STXBP5L: variants seen among roughly 807,000 people sequenced by gnomAD.
STXBP5L encodes syntaxin-binding protein 5-like.
STXBP5L carries 65 observed loss-of-function variants against 144.5 expected under a neutral mutation model. The observed-to-expected ratio is 0.45, with a 90% CI of 0.37 to 0.55. STXBP5L has a LOEUF of 0.55. STXBP5L is among the 20% of genes least tolerant of loss of function. The probability of loss-of-function intolerance (pLI) is 0.00; values close to 1 mark genes in which losing one functional copy is unlikely to be tolerated. For synonymous variants in STXBP5L, 505 were observed against 469.6 expected, an observed-to-expected ratio of 1.08 and a Z score of -0.97; for missense variants, 1,298 against 1,405.5, an observed-to-expected ratio of 0.92 and a Z score of 1.22.
At chr3:121,090,117 T>C (rs2042704153) in intron 5 of STXBP5L, among the ~76,000 whole-genome samples, 1 of 152,216 alleles carries the variant, frequency 6.6e-6, no homozygotes, top group East Asian at 1.9e-4. Flanking sequence ...CCTATTATAA[T>C]AAGTGATTTT....
chr3:121,326,442 T>G (rs2044151026), intron 20 of STXBP5L, among the ~76,000 whole-genome samples: 1 of 152,086 alleles, frequency 6.6e-6, no homozygotes, highest in African/African-American at 2.4e-5. Context: ...AAATGAAATT[T>G]GTTACTGTAT....
chr3:121,092,277 C>A (rs1354850869), intron 5 of STXBP5L, among the ~76,000 whole-genome samples: 1 of 151,712 alleles, frequency 6.6e-6, no homozygotes, highest in Non-Finnish European at 1.5e-5. Context: ...TCCATATGAA[C>A]TTTAAAGTAG....
At chr3:120,994,543 GATC>G (rs1943185735) in intron 3 of STXBP5L, among the ~76,000 whole-genome samples, 1 of 151,966 alleles carries the variant, frequency 6.6e-6, no homozygotes, top group Non-Finnish European at 1.5e-5. Context: ...CTGTTTAGAT[GATC>G]ATATGATTTG....
chr3:121,095,091 C>T (rs1390720231), intron 5 of STXBP5L, among the ~76,000 whole-genome samples: 2 of 152,146 alleles, frequency 1.3e-5, no homozygotes, highest in South Asian at 4.1e-4. Context: ...AAATTCTTTT[C>T]TTTAAGAATG....
chr3:121,302,685 A>G (rs114036338), intron 19 of STXBP5L, among the ~76,000 whole-genome samples: 5,255 of 152,258 alleles, frequency 0.035, 338 homozygotes, highest in Admixed American at 0.17. Flanking sequence ...TACCAGAGAT[A>G]TAGACCAATG....
intron 5 of STXBP5L, among the ~76,000 whole-genome samples, chr3:121,074,024 G>C (rs1301077668): frequency 1.3e-5 from 2 of 152,138 alleles, no homozygotes; most frequent in African/African-American, 4.8e-5. Context: ...TTCTTTTGTG[G>C]GTGCAGCCAA....
At chr3:121,354,056 G>T (rs2045407987) in intron 20 of STXBP5L, among the ~76,000 whole-genome samples, 2 of 152,048 alleles carry the variant, frequency 1.3e-5, no homozygotes, top group Admixed American at 1.3e-4. Context: ...ACAGTTTGTT[G>T]TGATTTCTGT....
chr3:121,066,570 C>T (rs954123149), intron 5 of STXBP5L, among the ~76,000 whole-genome samples: 1 of 151,740 alleles, frequency 6.6e-6, no homozygotes, highest in Non-Finnish European at 1.5e-5. Context: ...ACAAATTTTG[C>T]GATGTATTAG....
At chr3:120,915,690 A>G (rs1440647055) in intron 2 of STXBP5L, among the ~76,000 whole-genome samples, 2 of 152,152 alleles carry the variant, frequency 1.3e-5, no homozygotes, top group African/African-American at 4.8e-5. Flanking sequence ...ATTTAAAAAT[A>G]TAGATTAAGT....
At chr3:121,269,139 GA>G (rs888934608) in intron 18 of STXBP5L, among the ~76,000 whole-genome samples, 9 of 151,998 alleles carry the variant, frequency 5.9e-5, no homozygotes, top group East Asian at 5.8e-4. Flanking sequence ...ATTAAGGGGG[GA>G]AAAAAGCATA....
At position 121,223,136 on chromosome 3, in the gene STXBP5L, T is replaced by C. The variant is rs2049024202; in HGVS notation, c.1090T>C (p.Cys364Arg). The C allele has an allele frequency of 6.2e-7, 1 of 1,606,906 alleles. No individual in the cohort carries two copies. The highest frequency in any genetic ancestry group is 1.3e-5 in the African/African-American group (1 of 74,626). The change falls in exon 11 of 27, where the codon TGT becomes CGT. Residue 364 changes from cysteine to arginine, a missense_variant. Physicochemically the swap from Cys to Arg is radical, Grantham distance 180. Transcript: ENST00000471454. ...DHPIVEFLTL[C>R]ETPYPNEFQE... Reference sequence around the variant, plus strand: ...TCCTATTGTTGAATTTCTAACTTTATGTGAAACGCCCTATCCAAATGGTAA... The same window carrying C: ...TCCTATTGTTGAATTTCTAACTTTACGTGAAACGCCCTATCCAAATGGTAA...
intron 3 of STXBP5L, among the ~76,000 whole-genome samples, chr3:121,026,757 A>G (rs929392542): frequency 2.8e-4 from 42 of 152,036 alleles, no homozygotes; most frequent in African/African-American, 9.7e-4. Context: ...AAGTAAAATC[A>G]GGAAGAGGTG....
intron 19 of STXBP5L, among the ~76,000 whole-genome samples, chr3:121,317,648 A>C (rs1040951864): frequency 6.6e-6 from 1 of 152,176 alleles, no homozygotes; most frequent in Non-Finnish European, 1.5e-5. Flanking sequence ...TTTCTAACAA[A>C]GATAGAAAAA....
chr3:121,322,221 G>A (rs995586121), intron 20 of STXBP5L, among the ~76,000 whole-genome samples: 9 of 152,332 alleles, frequency 5.9e-5, no homozygotes, highest in Non-Finnish European at 1.3e-4. Context: ...GCTCACGCCT[G>A]TAATCTCAGC....
chr3:121,202,480 G>A (rs2048175879), intron 9 of STXBP5L, among the ~76,000 whole-genome samples: 1 of 152,084 alleles, frequency 6.6e-6, no homozygotes. Flanking sequence ...TATCTACCTA[G>A]TTACCTTTAC....
At position 121,219,272 on chromosome 3, in the gene STXBP5L, A is replaced by G. The variant is rs78220756; in HGVS notation, c.957-3731A>G. Among the ~76,000 whole-genome samples the G allele has an allele frequency of 2.5e-3, 387 of 152,252 alleles. 1 individual carries two copies. Among genetic ancestry groups the G allele is most frequent in the African/African-American group, 8.7e-3 (360 of 41,556 alleles). ...AAAATGGGCCACAGTTAGGAAGTGG[A>G]ATTATATAGCTATATCCCTGCTCCA... On this transcript the variant is annotated intron_variant, in intron 10 of 26. Transcript: ENST00000471454.
intron 3 of STXBP5L, among the ~76,000 whole-genome samples, chr3:121,020,758 G>A (rs914985506): frequency 7.2e-5 from 11 of 151,894 alleles, no homozygotes; most frequent in African/African-American, 2.4e-4. Context: ...ACTGCTAAAG[G>A]GAGTTCTAAA....
At chr3:120,954,555 C>A (rs1292490372) in intron 2 of STXBP5L, among the ~76,000 whole-genome samples, 1 of 151,482 alleles carries the variant, frequency 6.6e-6, no homozygotes, top group Non-Finnish European at 1.5e-5. Context: ...TTTTTTAATT[C>A]TTTTGTTGGA....
In STXBP5L at chr3:120,966,979, G is replaced by C. The variant is rs1939657053; in HGVS notation, c.287+11942G>C. 3.9e-5 allele frequency among the ~76,000 whole-genome samples: 6 copies of C among 152,098 alleles called. No individual in the cohort carries two copies. The South Asian group carries it at 1.2e-3, about 32-fold the overall frequency. ...CCAATTCTAGCTTCCTGGTTGCTTT[G>C]TTTACCTACTCAAGCTTCAGCAATG... On this transcript the variant is annotated intron_variant, in intron 3 of 26. Transcript: ENST00000471454.
Sources: gnomAD v4.1 joint callset for allele counts (sites outside exome capture counted in the v4.1 genomes callset) on GRCh38, gnomAD v4.1.1 for gene constraint, MANE v1.5 for transcripts, NCBI Gene and HGNC (gene_info 2026-07-23, HGNC 2026-07-21) for gene names.